The following UGT2A1 variants were observed in gnomAD, a reference collection of about 807,000 sequenced individuals.
UGT2A1 encodes the protein UDP glucuronosyltransferase family 2 member A1 complex locus, also known as UDP-glucuronosyltransferase 2A1.
Under a neutral mutation model 45.4 loss-of-function variants are expected in UGT2A1, and 61 were observed. The ratio of observed to expected loss-of-function variants is 1.34; its 90% confidence interval spans 1.09 to 1.66. The LOEUF is 1.66. Ranked by LOEUF, UGT2A1 falls within the 40% of genes most tolerant of loss-of-function variation. UGT2A1 has a pLI of 0.00. For synonymous variants in UGT2A1, 229 were observed against 196.2 expected (o/e 1.17, Z -1.40); for missense variants, 649 against 574.3 (o/e 1.13, Z -1.33).
At chr4:69,601,569 C>T (rs796645357) in intron 3 of UGT2A1, among the ~76,000 whole-genome samples, 3 of 152,268 alleles carry the variant, frequency 2.0e-5, no homozygotes, top group African/African-American at 7.2e-5. Flanking sequence ...CCTCAGCTAT[C>T]ACTATTACCT....
intron 2 of UGT2A1, among the ~76,000 whole-genome samples, chr4:69,638,085 G>A (rs1277435025): frequency 1.3e-5 from 2 of 152,054 alleles, no homozygotes; most frequent in Non-Finnish European, 2.9e-5. Context: ...AGAAAGGAAA[G>A]AAAGTCAAAA....
At chr4:69,646,293 C>G (rs1481852968) in intron 2 of UGT2A1, among the ~76,000 whole-genome samples, 1 of 151,682 alleles carries the variant, frequency 6.6e-6, no homozygotes, top group Non-Finnish European at 1.5e-5. Context: ...ATAAATGTAT[C>G]AACATGATCA....
At chr4:69,637,297 T>C (rs1009822060) in intron 2 of UGT2A1, among the ~76,000 whole-genome samples, 2 of 152,140 alleles carry the variant, frequency 1.3e-5, no homozygotes, top group Admixed American at 6.5e-5. Context: ...ATGTGGTATA[T>C]TTAATATCTT....
chr4:69,608,957 T>A (rs1289664785), intron 3 of UGT2A1, among the ~76,000 whole-genome samples: 8 of 152,158 alleles, frequency 5.3e-5, no homozygotes, highest in African/African-American at 1.2e-4. Flanking sequence ...ATCCTTTTTT[T>A]AATTTCATAG....
chr4:69,639,400 C>T (rs1414905000), intron 2 of UGT2A1: 6 of 1,613,430 alleles, frequency 3.7e-6, no homozygotes, highest in Non-Finnish European at 5.1e-6. Flanking sequence ...GGTATCACTT[C>T]AAAATTCACA....
At chr4:69,635,316 G>T (rs770748515) in intron 3 of UGT2A1, among the ~76,000 whole-genome samples, 1 of 152,072 alleles carries the variant, frequency 6.6e-6, no homozygotes, top group African/African-American at 2.4e-5. Context: ...CTGCTCTCCC[G>T]ATCTACAGTG....
chr4:69,599,507 T>A (rs1409196801), intron 3 of UGT2A1, 113 bp from the exon 4 acceptor site: 2 of 1,436,030 alleles, frequency 1.4e-6, no homozygotes, highest in Admixed American at 2.4e-5. Flanking sequence ...CTGAATTAGG[T>A]CTTCTAGAAT....
At chr4:69,636,011 A>T (rs1288667577) in intron 2 of UGT2A1, among the ~76,000 whole-genome samples, 189 bp from the exon 3 acceptor site, 1 of 152,066 alleles carries the variant, frequency 6.6e-6, no homozygotes, top group Non-Finnish European at 1.5e-5. Flanking sequence ...AGGTATTTTT[A>T]AAATGTTAAT....
chr4:69,597,848 T>G (rs765196901), intron 4 of UGT2A1, among the ~76,000 whole-genome samples: 46 of 152,174 alleles, frequency 3.0e-4, no homozygotes, highest in Non-Finnish European at 1.3e-4. Context: ...CGTAATTATT[T>G]CATCAGCAAT....
chr4:69,592,153 A>G (rs1718630732), intron 6 of UGT2A1, among the ~76,000 whole-genome samples: 1 of 152,154 alleles, frequency 6.6e-6, no homozygotes, highest in Admixed American at 6.6e-5. Flanking sequence ...TAAGCAGGTT[A>G]CTTCCGTTAA....
At chr4:69,610,751 C>A (rs950389758) in intron 3 of UGT2A1, among the ~76,000 whole-genome samples, 1 of 152,048 alleles carries the variant, frequency 6.6e-6, no homozygotes, top group South Asian at 2.1e-4. Context: ...AAGATGGTGG[C>A]CATAAAAACT....
At chr4:69,635,917 C>A (rs1348585754) in intron 2 of UGT2A1, 95 bp from the exon 3 acceptor site, 1 of 149,382 alleles carries the variant, frequency 6.7e-6, no homozygotes, top group Non-Finnish European at 1.5e-5. Flanking sequence ...TTGGCCTGAC[C>A]AAAATTTATT....
At chr4:69,636,904 C>G (rs925389049) in intron 2 of UGT2A1, among the ~76,000 whole-genome samples, 1 of 152,088 alleles carries the variant, frequency 6.6e-6, no homozygotes, top group Non-Finnish European at 1.5e-5. Context: ...TGTCTGAGAT[C>G]CCAGTTAGCC....
In UGT2A1 at chr4:69,599,367, A is replaced by G. The variant is rs752182687; in HGVS notation, c.875T>C (p.Met292Thr). 2.5e-6 allele frequency: 4 copies of G among 1,613,770 alleles called. No homozygotes were observed. Among genetic ancestry groups the G allele is most frequent in the Non-Finnish European group, 3.4e-6 (4 of 1,179,878 alleles). The change falls in exon 4 of 7, where the codon ATG (methionine) becomes ACG (threonine). Residue 292 changes from methionine (M) to threonine (T), a missense_variant. Coordinates refer to ENST00000286604, the MANE Select transcript of UGT2A1 (RefSeq NM_001252275.3). ...GATTAACCAAATTTCAGCTTTCCCC[A>G]TAGTCTCACATAACGTAGTGGGTCT... ...AGRPTTLCET[M>T]GKAEIWLIRT...
chr4:69,601,960 G>A lies in UGT2A1; in HGVS notation c.848-2566C>T, dbSNP rs979541800. Among the ~76,000 whole-genome samples the A allele has an allele frequency of 1.5e-5, 2 of 136,666 alleles. 1 individual carries two copies. The highest frequency in any genetic ancestry group is 1.4e-4 in the Admixed American group (2 of 13,860). The allele number at this position is 136,666 out of a possible 152,430, so 89.7% of individuals were successfully genotyped here. A position where few individuals can be genotyped will look rare whatever the true frequency, so the allele number is the denominator to read the frequency against. The stretch of plus-strand genomic sequence containing the variant: ...AAATTAAAGGGTAGAGTAAAACTAA[G>A]ACAACTTGAATAATTAATATAATCA... On this transcript the variant is annotated intron_variant, in intron 3 of 6. Transcript: ENST00000286604.
At chr4:69,639,743 G>T in intron 2 of UGT2A1, 1 of 1,119,992 alleles carries the variant, frequency 8.9e-7, no homozygotes, top group Non-Finnish European at 1.2e-6. Flanking sequence ...TCAGTCGTAG[G>T]TCAATTGATC....
chr4:69,639,530 T>A (rs774661303), intron 2 of UGT2A1: 1 of 1,613,188 alleles, frequency 6.2e-7, no homozygotes, highest in Non-Finnish European at 8.5e-7. Context: ...GGCTACCATC[T>A]GTAGGCCAAA....
chr4:69,616,981 G>A (rs1330085023), intron 3 of UGT2A1, among the ~76,000 whole-genome samples: 2 of 151,528 alleles, frequency 1.3e-5, no homozygotes, highest in Non-Finnish European at 2.9e-5. Context: ...CTACTGTTTT[G>A]TAGTTAAAAT....
chr4:69,589,299 TG>T lies in UGT2A1; in HGVS notation c.*72del. On this transcript the variant is annotated 3_prime_UTR_variant, in exon 7 of 7. Coordinates refer to ENST00000286604, the MANE Select transcript of UGT2A1 (RefSeq NM_001252275.3). ...GTGTTTTTGTTAAACTCCTTTTGTC[TG>T]GAATTAATAGGACTACACTACTCAG... The T allele has an allele frequency of 1.4e-6, 2 of 1,426,318 alleles. No homozygotes were observed. The highest frequency in any genetic ancestry group is 3.3e-5 in the South Asian group (2 of 59,910). The allele number at this position is 1,426,318 out of a possible 1,614,324, so 88.4% of individuals were successfully genotyped here.
Sources: gnomAD v4.1 joint callset for allele counts (sites outside exome capture counted in the v4.1 genomes callset) on GRCh38, gnomAD v4.1.1 for gene constraint, MANE v1.5 for transcripts, NCBI Gene and HGNC (gene_info 2026-07-23, HGNC 2026-07-21) for gene names.